Variants in TFRC observed in about 807,000 individuals in gnomAD.
The protein encoded by TFRC is transferrin receptor.
Under a neutral mutation model 85.8 loss-of-function variants are expected in TFRC, and 35 were observed. That is an observed-to-expected ratio of 0.41 (90% confidence interval 0.31 to 0.54). The LOEUF is 0.54. Among genes scored for constraint, TFRC ranks in the 20% least tolerant of loss-of-function variants. TFRC has a pLI of 0.31. For synonymous variants in TFRC, 362 were observed against 328.6 expected (o/e 1.10, Z -1.10); for missense variants, 828 against 921.5 (o/e 0.90, Z 1.31).
At chr3:196,068,200 T>C (rs533193234) in intron 7 of TFRC, 70 bp from the exon 8 acceptor site, 940 of 1,176,306 alleles carry the variant, frequency 8.0e-4, no homozygotes, top group Non-Finnish European at 1.1e-3. Context: ...ATCCTGGACA[T>C]TATGCTAAAG....
intron 16 of TFRC, among the ~76,000 whole-genome samples, chr3:196,055,764 G>A (rs1005803983): frequency 6.7e-6 from 1 of 150,152 alleles, no homozygotes; most frequent in African/African-American, 2.5e-5. Flanking sequence ...CTAGAGTGCA[G>A]CAATGCAATC....
chr3:196,081,786 A>C, intron 1 of TFRC: 1 of 152,406 alleles, frequency 6.6e-6, no homozygotes, highest in Non-Finnish European at 1.5e-5. Context: ...CGAAGGGACG[A>C]GAGGCGCAGG....
chr3:196,051,845 A>T lies in TFRC; in HGVS notation c.*97T>A. On this transcript the variant is annotated 3_prime_UTR_variant, in exon 19 of 19. Coordinates refer to ENST00000360110, the MANE Select transcript of TFRC (RefSeq NM_001128148.3). ...CAAGATGATGGGATGGAATTTTAACATCAGGTTTTGTAGCCCTACTGAAAA... is the reference window on the plus strand; with the variant it reads ...CAAGATGATGGGATGGAATTTTAACTTCAGGTTTTGTAGCCCTACTGAAAA... The T allele has an allele frequency of 7.0e-7, 1 of 1,431,124 alleles. No individual in the cohort carries two copies. The highest frequency in any genetic ancestry group is 9.5e-7 in the Non-Finnish European group (1 of 1,051,624). The allele number at this position is 1,431,124 out of a possible 1,614,324, so 88.7% of individuals were successfully genotyped here.
chr3:196,074,681 C>T (rs1411164326), intron 3 of TFRC, among the ~76,000 whole-genome samples: 1 of 151,918 alleles, frequency 6.6e-6, no homozygotes, highest in Non-Finnish European at 1.5e-5. Context: ...GAGTTAGAGA[C>T]CAGCCTGACC....
chr3:196,070,518 G>A (rs1718101021), intron 6 of TFRC, among the ~76,000 whole-genome samples: 2 of 152,066 alleles, frequency 1.3e-5, no homozygotes, highest in Non-Finnish European at 2.9e-5. Flanking sequence ...CTCCCAAAGT[G>A]CTGGGATTAC....
rs41300439 is a variant in TFRC at position 196,075,426 on chromosome 3, T to C, written c.37-66A>G. The C allele has an allele frequency of 2.1e-3, 3,203 of 1,497,042 alleles. 8 individuals are homozygous for C. Among genetic ancestry groups the C allele is most frequent in the Admixed American group, 3.6e-3 (214 of 59,580 alleles). The allele number at this position is 1,497,042 out of a possible 1,614,324, so 92.7% of individuals were successfully genotyped here. ...AATGTTTAGGAAAAGCTCGTTTAGG[T>C]ATATGCTTGTTATTGGGCCATTACT... On this transcript the variant is annotated intron_variant, in intron 2 of 18. Transcript: ENST00000360110.
At position 196,071,465 on chromosome 3, in the gene TFRC, G is replaced by A. The variant is rs769020607; in HGVS notation, c.618C>T (p.Asn206=). The A allele has an allele frequency of 1.2e-5, 20 of 1,613,898 alleles. No homozygotes were observed. Among genetic ancestry groups the A allele is most frequent in the African/African-American group, 8.0e-5 (6 of 74,894 alleles). Residue 206 remains asparagine (N), a synonymous_variant, in exon 6 of 19, where the codon AAC becomes AAT. Coordinates refer to ENST00000360110, the MANE Select transcript of TFRC (RefSeq NM_001128148.3). ...AQNSVIIVDK[N]GRLVYLVENP... ...TCTCCACCAGGTAAACAAGTCTACC[G>A]TTCTTATCAACTATGATCACCGAGT...
chr3:196,074,972 G>T (rs1171308666), intron 3 of TFRC, among the ~76,000 whole-genome samples, 187 bp downstream of exon 3: 2 of 151,148 alleles, frequency 1.3e-5, no homozygotes, highest in South Asian at 2.1e-4. Context: ...CTTAAACCTG[G>T]GAGGCTGAGG....
At chr3:196,073,384 GA>G (rs941671895) in intron 4 of TFRC, among the ~76,000 whole-genome samples, 1 of 151,846 alleles carries the variant, frequency 6.6e-6, no homozygotes, top group Non-Finnish European at 1.5e-5. Flanking sequence ...AAGCTGCGGT[GA>G]GATGAGAGCA....
Position 196,063,044 on chromosome 3 carries a change from A to G in TFRC, c.1319-105T>C, listed in dbSNP as rs926149. 0.077 allele frequency: 59,681 copies of G among 775,742 alleles called. 8,309 individuals carry two copies. The highest frequency in any genetic ancestry group is 0.59 in the East Asian group (20,140 of 34,134). The allele number at this position is 775,742 out of a possible 1,614,324, so 48.1% of individuals were successfully genotyped here. ...TCAGAAGGTCTAATTCCAAGATAGC[A>G]GATTCCAAAATCTTTTTTTTCTGAG... On this transcript the variant is annotated intron_variant, in intron 11 of 18. Transcript: ENST00000360110.
chr3:196,062,550 A>C (rs761809833), intron 13 of TFRC, 32 bp downstream of exon 13: 1 of 1,588,594 alleles, frequency 6.3e-7, no homozygotes, highest in South Asian at 1.1e-5. Context: ...GTTTACCTGA[A>C]TTCATACACA....
At chr3:196,077,966 T>A (rs964285943) in intron 1 of TFRC, among the ~76,000 whole-genome samples, 2 of 152,316 alleles carry the variant, frequency 1.3e-5, no homozygotes, top group Non-Finnish European at 2.9e-5. Context: ...AGAGGCCAGT[T>A]ATTAGAGAAA....
rs1716305291 is a variant in TFRC at position 196,051,535 on chromosome 3, T to C, written c.*407A>G. 1 of 239,662 alleles carries C rather than the reference T, an allele frequency of 4.2e-6. No homozygotes were observed. Among genetic ancestry groups the C allele is most frequent in the African/African-American group, 2.2e-5 (1 of 45,118 alleles). 14.8% of individuals were successfully genotyped at this position (239,662 alleles called of 1,614,324 possible). On this transcript the variant is annotated 3_prime_UTR_variant, in exon 19 of 19. Coordinates refer to ENST00000360110, the MANE Select transcript of TFRC (RefSeq NM_001128148.3). Reference sequence around the variant, plus strand: ...AGGTCTTTCAACCTGGTATCTCCTATTTAGCATCAAATGAAGTTGGAGGAT... The same window carrying C: ...AGGTCTTTCAACCTGGTATCTCCTACTTAGCATCAAATGAAGTTGGAGGAT...
At chr3:196,079,423 C>A (rs1310446575) in intron 1 of TFRC, among the ~76,000 whole-genome samples, 1 of 151,948 alleles carries the variant, frequency 6.6e-6, no homozygotes, top group Non-Finnish European at 1.5e-5. Flanking sequence ...ACTAGCCTGA[C>A]CAAACATGGA....
chr3:196,055,530 C>A (rs41297533), intron 16 of TFRC: 14 of 578,614 alleles, frequency 2.4e-5, no homozygotes, highest in Admixed American at 6.0e-5. Context: ...CCAGGTTCTA[C>A]AGAATCCCTG....
intron 1 of TFRC, among the ~76,000 whole-genome samples, chr3:196,079,573 A>G (rs910323273): frequency 6.6e-6 from 1 of 152,178 alleles, no homozygotes; most frequent in African/African-American, 2.4e-5. Flanking sequence ...CCGAGATCAC[A>G]CCATTGCACT....
In TFRC at chr3:196,074,133, G is replaced by C. The variant is rs145157774; in HGVS notation, c.239-8C>G. 6.0e-5 allele frequency: 97 copies of C among 1,604,314 alleles called. No homozygotes were observed. In the East Asian group the frequency reaches 2.1e-3, roughly 34 times the overall value. ...AGTAGCCAATCATAAATCCTAAAGA[G>C]ACAAAGTTCCAGAGCTGAACTCAGA... is the stretch of plus-strand genomic sequence containing the variant. On this transcript the variant is annotated splice_region_variant and splice_polypyrimidine_tract_variant and intron_variant, in intron 3 of 18. Coordinates refer to ENST00000360110, the MANE Select transcript of TFRC (RefSeq NM_001128148.3).
intron 16 of TFRC, 21 bp downstream of exon 16, chr3:196,058,263 C>A (rs1385231759): frequency 3.7e-6 from 6 of 1,600,976 alleles, no homozygotes; most frequent in South Asian, 2.2e-5. Flanking sequence ...CTCCATTTGT[C>A]ATTTAAATGA....
At position 196,068,012 on chromosome 3, in the gene TFRC, T is replaced by C; in HGVS notation, c.900+20A>G. 1 of 1,596,258 alleles carries C rather than the reference T, an allele frequency of 6.3e-7. No homozygotes were observed. Among genetic ancestry groups the C allele is most frequent in the East Asian group, 2.2e-5 (1 of 44,748 alleles). ...AACTCAAGGAACTCAAAACGGTGAT[T>C]TACTCAAGAAATAACTCACATGTCC... On this transcript the variant is annotated intron_variant, in intron 8 of 18. Transcript: ENST00000360110.
Sources: gnomAD v4.1 joint callset for allele counts (sites outside exome capture counted in the v4.1 genomes callset) on GRCh38, gnomAD v4.1.1 for gene constraint, MANE v1.5 for transcripts, NCBI Gene and HGNC (gene_info 2026-07-23, HGNC 2026-07-21) for gene names.